Variants in RHBDD1 observed in about 807,000 individuals in gnomAD.
The protein encoded by RHBDD1 is rhomboid-related protein 4.
A neutral mutation model predicts 36.3 loss-of-function variants in RHBDD1; 38 were observed. That is an observed-to-expected ratio of 1.05 (90% CI 0.81 to 1.37). The LOEUF is 1.37. Among genes scored for constraint, RHBDD1 ranks in the 40% most tolerant of loss-of-function variants. The pLI is 0.00. For missense variants in RHBDD1, 393 were observed against 377.6 expected, an observed-to-expected ratio of 1.04 and a Z score of -0.34; for synonymous variants, 151 against 136.5, an observed-to-expected ratio of 1.11 and a Z score of -0.74.
intron 8 of RHBDD1, among the ~76,000 whole-genome samples, chr2:226,981,331 A>G (rs920693454): frequency 4.6e-5 from 7 of 152,072 alleles, no homozygotes; most frequent in African/African-American, 9.7e-5. Flanking sequence ...GAGACCACAC[A>G]TTGTGCACAT....
At chr2:226,844,980 T>A (rs1467622289) in intron 3 of RHBDD1, among the ~76,000 whole-genome samples, 1 of 152,196 alleles carries the variant, frequency 6.6e-6, no homozygotes, top group Non-Finnish European at 1.5e-5. Context: ...TATAACACTT[T>A]TAAAAGGTGG....
chr2:226,828,880 AG>A, the RHBDD1 span, among the ~76,000 whole-genome samples: 1 of 152,056 alleles, frequency 6.6e-6, no homozygotes, highest in African/African-American at 2.4e-5. Flanking sequence ...ATGTCTTTTA[AG>A]TATATTTTTT....
chr2:226,938,835 A>T (rs1575168552), intron 8 of RHBDD1, among the ~76,000 whole-genome samples: 1 of 152,200 alleles, frequency 6.6e-6, no homozygotes, highest in East Asian at 1.9e-4. Flanking sequence ...AAAAAGGAAA[A>T]TTTTAGGCCA....
chr2:226,969,051 G>A (rs1952933580), intron 8 of RHBDD1: 1 of 208,870 alleles, frequency 4.8e-6, no homozygotes, highest in Non-Finnish European at 1.0e-5. Context: ...GGATAAACAA[G>A]GTGTTGCTTT....
chr2:226,987,827 C>T (rs1957338286), intron 8 of RHBDD1, among the ~76,000 whole-genome samples: 1 of 152,216 alleles, frequency 6.6e-6, no homozygotes, highest in African/African-American at 2.4e-5. Context: ...AGTTCCTGGG[C>T]TCCAACCACC....
At chr2:226,814,554 A>C in the RHBDD1 span, among the ~76,000 whole-genome samples, 1 of 152,156 alleles carries the variant, frequency 6.6e-6, no homozygotes, top group South Asian at 2.1e-4. Context: ...GCTAGTTAGG[A>C]GTCTGTTTCA....
chr2:226,857,213 A>G (rs1943417256), intron 3 of RHBDD1, among the ~76,000 whole-genome samples: 1 of 152,088 alleles, frequency 6.6e-6, no homozygotes. Context: ...TAGTATCATG[A>G]GTCGTTAGAG....
At chr2:226,948,580 A>T (rs1575208405) in intron 8 of RHBDD1, among the ~76,000 whole-genome samples, 2 of 113,696 alleles carry the variant, frequency 1.8e-5, no homozygotes, top group African/African-American at 3.7e-5. Flanking sequence ...AAAAAAAAAA[A>T]AAAAACGAAA....
intron 8 of RHBDD1, chr2:226,988,202 AC>A (rs899496833): frequency 3.1e-5 from 24 of 775,684 alleles, no homozygotes; most frequent in Admixed American, 6.3e-5. Context: ...ATTAAAACTT[AC>A]CCAAAGACAG....
chr2:226,874,107 G>A (rs1945020522), intron 5 of RHBDD1, among the ~76,000 whole-genome samples: 1 of 152,058 alleles, frequency 6.6e-6, no homozygotes, highest in Admixed American at 6.5e-5. Context: ...CAGCATGGGA[G>A]AAACTGCACC....
intron 3 of RHBDD1, among the ~76,000 whole-genome samples, chr2:226,854,071 G>A (rs749194181): frequency 1.5e-4 from 23 of 152,094 alleles, no homozygotes; most frequent in African/African-American, 5.1e-4. Flanking sequence ...ATTATTGGGA[G>A]GTATGTAAAT....
At chr2:226,869,237 A>T (rs1175431505) in intron 5 of RHBDD1, 1 of 957,448 alleles carries the variant, frequency 1.0e-6, no homozygotes, top group Non-Finnish European at 1.2e-6. Flanking sequence ...CTTGGGAAGT[A>T]AATGAAATTT....
At chr2:226,919,260 C>G (rs1949137448) in intron 8 of RHBDD1, among the ~76,000 whole-genome samples, 1 of 151,968 alleles carries the variant, frequency 6.6e-6, no homozygotes, top group African/African-American at 2.4e-5. Flanking sequence ...ATATTTTCTC[C>G]CATTCTGTGA....
the RHBDD1 span, among the ~76,000 whole-genome samples, chr2:226,827,998 T>C: frequency 6.6e-6 from 1 of 152,232 alleles, no homozygotes; most frequent in Non-Finnish European, 1.5e-5. Context: ...GCATTATTTA[T>C]GTATAGTTTG....
intron 8 of RHBDD1, among the ~76,000 whole-genome samples, chr2:226,984,377 C>G (rs374291822): frequency 6.6e-6 from 1 of 152,194 alleles, no homozygotes; most frequent in African/African-American, 2.4e-5. Context: ...TAGATGGCTG[C>G]CTTCTCACTG....
the RHBDD1 span, among the ~76,000 whole-genome samples, chr2:226,823,059 G>C: frequency 6.6e-6 from 1 of 152,226 alleles, no homozygotes; most frequent in African/African-American, 2.4e-5. Context: ...CCGGGAGGCA[G>C]AGGTTGCAGT....
chr2:226,947,973 T>G (rs1174448407), intron 8 of RHBDD1, among the ~76,000 whole-genome samples: 6 of 152,212 alleles, frequency 3.9e-5, no homozygotes, highest in African/African-American at 1.4e-4. Context: ...TTGGTGGGAT[T>G]GTAAACTAGT....
intron 3 of RHBDD1, among the ~76,000 whole-genome samples, chr2:226,859,885 ATAGT>A (rs879543590): frequency 5.4e-4 from 83 of 152,322 alleles, no homozygotes; most frequent in Non-Finnish European, 1.3e-4. Flanking sequence ...GTGGTGGAAA[ATAGT>A]TAGTGGCTAT....
At chr2:226,806,411 A>G in the RHBDD1 span, among the ~76,000 whole-genome samples, 33 of 152,126 alleles carry the variant, frequency 2.2e-4, 1 homozygote, top group Admixed American at 1.3e-4. Flanking sequence ...TCCCACCTCC[A>G]TGAGTTTTAT....
Sources: allele counts gnomAD v4.1 joint callset (sites outside exome capture counted in the v4.1 genomes callset), GRCh38; gene constraint gnomAD v4.1.1; transcripts MANE v1.5; gene names NCBI Gene and HGNC (gene_info 2026-07-23, HGNC 2026-07-21).